The following FHIT variants were observed in gnomAD, a reference collection of about 807,000 sequenced individuals.
FHIT encodes the protein fragile histidine triad diadenosine triphosphatase.
FHIT carries 19 observed loss-of-function variants against 17.9 expected under a neutral mutation model. The ratio of observed to expected loss-of-function variants is 1.06; its 90% CI spans 0.74 to 1.56. FHIT has a LOEUF of 1.56. Among genes scored for constraint, FHIT ranks in the 40% most tolerant of loss-of-function variants. The pLI is 0.00. For missense variants in FHIT, 248 were observed against 189.2 expected (o/e 1.31, Z -1.82); for synonymous variants, 81 against 69.7 (o/e 1.16, Z -0.81).
intron 5 of FHIT, among the ~76,000 whole-genome samples, chr3:60,414,748 G>A (rs995922934): frequency 1.3e-5 from 2 of 152,136 alleles, no homozygotes; most frequent in Admixed American, 1.3e-4. Flanking sequence ...TGAGGATTAC[G>A]GCAAGGAAGG....
intron 8 of FHIT, among the ~76,000 whole-genome samples, chr3:59,870,411 GT>G (rs1702864884): frequency 6.6e-6 from 1 of 152,174 alleles, no homozygotes; most frequent in Admixed American, 6.5e-5. Flanking sequence ...CTTTTGTTTT[GT>G]TTCACTCAGT....
At chr3:60,855,358 T>C (rs547831158) in intron 3 of FHIT, among the ~76,000 whole-genome samples, 7 of 152,270 alleles carry the variant, frequency 4.6e-5, no homozygotes, top group Non-Finnish European at 7.4e-5. Context: ...TAAAAAGTCA[T>C]AGTTGCAAGA....
chr3:59,907,277 C>T (rs1337023368), intron 8 of FHIT, among the ~76,000 whole-genome samples: 1 of 152,214 alleles, frequency 6.6e-6, no homozygotes, highest in Non-Finnish European at 1.5e-5. Flanking sequence ...AGCACAGTTA[C>T]TGTCACTAAT....
chr3:60,912,268 G>A (rs1706785023), intron 3 of FHIT, among the ~76,000 whole-genome samples: 1 of 152,176 alleles, frequency 6.6e-6, no homozygotes, highest in African/African-American at 2.4e-5. Flanking sequence ...TTGAGCAGTG[G>A]TGGGGGTAAA....
intron 5 of FHIT, among the ~76,000 whole-genome samples, chr3:60,047,169 G>T (rs1474442709): frequency 2.0e-5 from 3 of 152,216 alleles, no homozygotes; most frequent in African/African-American, 7.2e-5. Context: ...CAGCAATACT[G>T]CCCTCTGGTT....
At chr3:59,968,100 A>G (rs1708012032) in intron 7 of FHIT, among the ~76,000 whole-genome samples, 1 of 152,094 alleles carries the variant, frequency 6.6e-6, no homozygotes, top group Non-Finnish European at 1.5e-5. Context: ...ATATGGAGGA[A>G]CACTGATGTA....
chr3:60,479,761 T>C (rs940374055), intron 5 of FHIT, among the ~76,000 whole-genome samples: 1 of 152,152 alleles, frequency 6.6e-6, no homozygotes, highest in Non-Finnish European at 1.5e-5. Context: ...GAATTGCACA[T>C]GCGAGGGATC....
chr3:60,798,842 CCT>C (rs1701084444), intron 4 of FHIT, among the ~76,000 whole-genome samples: 1 of 149,090 alleles, frequency 6.7e-6, no homozygotes, highest in East Asian at 2.0e-4. Flanking sequence ...ACTGCAACCT[CCT>C]CCTCCCAGGT....
At chr3:61,117,934 C>T (rs552198645) in intron 2 of FHIT, among the ~76,000 whole-genome samples, 12 of 152,090 alleles carry the variant, frequency 7.9e-5, no homozygotes, top group Admixed American at 3.9e-4. Flanking sequence ...CAGGATGGGG[C>T]ACTCTTTTGA....
intron 4 of FHIT, among the ~76,000 whole-genome samples, chr3:60,677,690 T>A (rs1553695756): frequency 6.6e-6 from 1 of 152,116 alleles, no homozygotes; most frequent in Non-Finnish European, 1.5e-5. Flanking sequence ...ACAGAGCACA[T>A]TTTCTTTATT....
At chr3:59,878,458 C>T (rs1703260552) in intron 8 of FHIT, among the ~76,000 whole-genome samples, 1 of 152,126 alleles carries the variant, frequency 6.6e-6, no homozygotes, top group Non-Finnish European at 1.5e-5. Context: ...TAACAGCTGT[C>T]CACTGCACTG....
At chr3:60,239,080 T>C (rs563444441) in intron 5 of FHIT, among the ~76,000 whole-genome samples, 2 of 152,190 alleles carry the variant, frequency 1.3e-5, no homozygotes, top group East Asian at 1.9e-4. Context: ...CCATGAGTAT[T>C]TGTGAGCAAA....
At chr3:60,270,393 GGT>G (rs1354639749) in intron 5 of FHIT, among the ~76,000 whole-genome samples, 1 of 152,128 alleles carries the variant, frequency 6.6e-6, no homozygotes, top group Non-Finnish European at 1.5e-5. Context: ...ACAGTGACAT[GGT>G]TCTACCTTTT....
chr3:60,103,653 G>A (rs953335371), intron 5 of FHIT, among the ~76,000 whole-genome samples: 1 of 152,106 alleles, frequency 6.6e-6, no homozygotes, highest in East Asian at 1.9e-4. Context: ...ACCCTTGTAC[G>A]GAGAAGGCAG....
rs1244077060 is a variant in FHIT at position 60,609,829 on chromosome 3, T to C, written c.-17-72850A>G. ...TAATCTTCCTTCTATCAATCCGGAGTTCCTGCTATCTCAACAATATACTGC... is the reference window on the plus strand; with the variant it reads ...TAATCTTCCTTCTATCAATCCGGAGCTCCTGCTATCTCAACAATATACTGC... On this transcript the variant is annotated intron_variant, in intron 4 of 9. Coordinates refer to ENST00000492590, the MANE Select transcript of FHIT (RefSeq NM_002012.4). Among the ~76,000 whole-genome samples, 11 of 152,012 alleles carry C rather than the reference T, an allele frequency of 7.2e-5. No individual in the cohort carries two copies. The East Asian group carries it at 1.9e-3, about 27-fold the overall frequency.
At chr3:60,069,511 G>C (rs937781099) in intron 5 of FHIT, among the ~76,000 whole-genome samples, 1 of 152,162 alleles carries the variant, frequency 6.6e-6, no homozygotes, top group African/African-American at 2.4e-5. Context: ...CCAGCAAAGA[G>C]ACAGGTAAGG....
Position 61,211,262 on chromosome 3 carries a change from G to A in FHIT, c.-212-10597C>T, listed in dbSNP as rs139347750. On this transcript the variant is annotated intron_variant, in intron 1 of 9. Coordinates refer to ENST00000492590, the MANE Select transcript of FHIT (RefSeq NM_002012.4). ...CTCCCTTTCCTAGTCAAAGAAAGGG[G>A]TGACAGACGGCACCTGGAAAATAGG... is the stretch of plus-strand genomic sequence containing the variant. Among the ~76,000 whole-genome samples the A allele has an allele frequency of 5.6e-3, 852 of 152,042 alleles. 14 individuals are homozygous for A. Among genetic ancestry groups the A allele is most frequent in the African/African-American group, 0.019 (792 of 41,532 alleles).
intron 4 of FHIT, among the ~76,000 whole-genome samples, chr3:60,758,485 T>G (rs538377316): frequency 2.0e-5 from 3 of 152,300 alleles, no homozygotes; most frequent in South Asian, 4.1e-4. Context: ...TTCATATAAC[T>G]CAAAAGGTTA....
At chr3:60,480,505 T>A (rs754683180) in intron 5 of FHIT, among the ~76,000 whole-genome samples, 1 of 152,162 alleles carries the variant, frequency 6.6e-6, no homozygotes, top group East Asian at 1.9e-4. Context: ...CCCTTCCACT[T>A]AGGAACCTGT....
Sources: allele counts gnomAD v4.1 joint callset (sites outside exome capture counted in the v4.1 genomes callset), GRCh38; gene constraint gnomAD v4.1.1; transcripts MANE v1.5; gene names NCBI Gene and HGNC (gene_info 2026-07-23, HGNC 2026-07-21).